Variants in EIF2AK3 observed in about 807,000 individuals in gnomAD.
The protein encoded by EIF2AK3 is eukaryotic translation initiation factor 2-alpha kinase 3.
A neutral mutation model predicts 113.5 loss-of-function variants in EIF2AK3; 50 were observed. The observed-to-expected ratio is 0.44, with a 90% CI of 0.35 to 0.56. The LOEUF (loss-of-function observed/expected upper bound fraction) is 0.56. Among genes scored for constraint, EIF2AK3 ranks in the 20% least tolerant of loss-of-function variants. EIF2AK3 has a pLI of 0.00. For missense variants in EIF2AK3, 1,185 were observed against 1,378.0 expected (o/e 0.86, Z 2.22); for synonymous variants, 448 against 495.4 (o/e 0.90, Z 1.27).
In EIF2AK3 at chr2:88,575,023, T is replaced by C. The variant is rs1674418761; in HGVS notation, c.2460A>G (p.Glu820=). 6.2e-7 allele frequency: 1 copy of C among 1,614,070 alleles called. No homozygotes were observed. The highest frequency in any genetic ancestry group is 1.3e-5 in the African/African-American group (1 of 74,934). The change falls in exon 13 of 17, where the codon GAA becomes GAG. Residue 820 remains glutamate, a synonymous_variant. Coordinates refer to ENST00000303236, the MANE Select transcript of EIF2AK3 (RefSeq NM_004836.7). The stretch of plus-strand genomic sequence containing the variant: ...TATGCAATCGATTAGTTTTCGGCTC[T>C]TCTTTACTGGAAGCATTATCACAGC... ...DSGCDNASSK[E]EPKTNRLHIG...
chr2:88,597,018 A>C (rs1675037739), intron 2 of EIF2AK3, among the ~76,000 whole-genome samples: 1 of 152,220 alleles, frequency 6.6e-6, no homozygotes, highest in South Asian at 2.1e-4. Context: ...AAACTTTAGG[A>C]AACAGGAATA....
chr2:88,561,292 C>T (rs1185201854), intron 15 of EIF2AK3, among the ~76,000 whole-genome samples: 4 of 144,190 alleles, frequency 2.8e-5, no homozygotes, highest in Non-Finnish European at 6.1e-5. Flanking sequence ...GACAGAGTCT[C>T]ACTCTGTCAC....
intron 14 of EIF2AK3, among the ~76,000 whole-genome samples, chr2:88,566,540 G>A: frequency 6.6e-6 from 1 of 151,928 alleles, no homozygotes; most frequent in Middle Eastern, 3.2e-3. Context: ...TTAAGTTCTG[G>A]GGTACATGTG....
intron 14 of EIF2AK3, among the ~76,000 whole-genome samples, chr2:88,569,229 A>C: frequency 6.6e-6 from 1 of 151,390 alleles, no homozygotes; most frequent in Admixed American, 6.6e-5. Flanking sequence ...GAGACCGGGC[A>C]TGGTAGCTCA....
chr2:88,588,473 C>T (rs866120802), intron 7 of EIF2AK3, among the ~76,000 whole-genome samples: 8 of 152,204 alleles, frequency 5.3e-5, no homozygotes, highest in South Asian at 2.1e-4. Context: ...GTATGTTAAG[C>T]GCTAAATGTT....
At chr2:88,560,637 A>G (rs1208424685) in intron 15 of EIF2AK3, among the ~76,000 whole-genome samples, 2 of 152,046 alleles carry the variant, frequency 1.3e-5, no homozygotes, top group African/African-American at 4.8e-5. Context: ...ATAAATTTTG[A>G]TGCCATCTGA....
rs183195362 is a variant in EIF2AK3, at chr2:88,564,181, C to A, written c.2986-1791G>T. Among the ~76,000 whole-genome samples, 3 of 152,262 alleles carry A rather than the reference C, an allele frequency of 2.0e-5. No individual in the cohort carries two copies. In the East Asian group the frequency reaches 5.8e-4, roughly 29 times the overall value. On this transcript the variant is annotated intron_variant, in intron 14 of 16. Coordinates refer to ENST00000303236, the MANE Select transcript of EIF2AK3 (RefSeq NM_004836.7). ...ACCTGTGTTTCTTCGTAATTACAAC[C>A]AAGAACAAAGTAACCATGGGTCCTG...
intron 2 of EIF2AK3, among the ~76,000 whole-genome samples, chr2:88,596,884 T>A (rs62157775): frequency 0.22 from 33,121 of 152,114 alleles, 4,149 homozygotes; most frequent in Middle Eastern, 0.43. Flanking sequence ...GCCAAGAATA[T>A]CTTATTTCTT....
chr2:88,560,286 C>CT (rs1444081765), intron 15 of EIF2AK3, among the ~76,000 whole-genome samples: 1 of 152,120 alleles, frequency 6.6e-6, no homozygotes, highest in East Asian at 1.9e-4. Flanking sequence ...TGCTTTGCCC[C>CT]TTTTTAAAAT....
At chr2:88,561,746 C>A (rs1673965619) in intron 15 of EIF2AK3, among the ~76,000 whole-genome samples, 2 of 152,148 alleles carry the variant, frequency 1.3e-5, no homozygotes, top group Admixed American at 6.5e-5. Flanking sequence ...GTGGTCCCAG[C>A]TACTGGGGAG....
chr2:88,565,749 T>C (rs995759094), intron 14 of EIF2AK3, among the ~76,000 whole-genome samples: 1 of 152,236 alleles, frequency 6.6e-6, no homozygotes, highest in Non-Finnish European at 1.5e-5. Context: ...AAGCAATGAC[T>C]GTTGATATTT....
chr2:88,590,954 G>A lies in EIF2AK3; in HGVS notation c.866C>T (p.Thr289Ile), dbSNP rs1228905306. 6.2e-7 allele frequency: 1 copy of A among 1,614,062 alleles called. No homozygotes were observed. The highest frequency in any genetic ancestry group is 1.7e-5 in the Admixed American group (1 of 60,020). The change falls in exon 5 of 17, where the codon ACA becomes ATA. Residue 289 changes from threonine (T) to isoleucine (I), a missense_variant. Thr to Ile is a moderately conservative substitution (Grantham distance 89). Coordinates refer to ENST00000303236, the MANE Select transcript of EIF2AK3 (RefSeq NM_004836.7). ...ATCTGAAATAATTTTAGACTCTTCT[G>A]TGTTCTCATTGGGCTTAAAGGTGCT... ...IESTFKPNEN[T>I]EESKIISDVE...
At chr2:88,589,929 C>T (rs933178071) in intron 6 of EIF2AK3, among the ~76,000 whole-genome samples, 9 of 151,984 alleles carry the variant, frequency 5.9e-5, no homozygotes, top group Admixed American at 3.3e-4. Flanking sequence ...AAAGAATATG[C>T]GACAGTAATT....
intron 4 of EIF2AK3, among the ~76,000 whole-genome samples, chr2:88,592,756 T>G (rs1477648831): frequency 7.4e-6 from 1 of 134,644 alleles, no homozygotes; most frequent in African/African-American, 2.8e-5. Flanking sequence ...AGAGTGAAAC[T>G]CGGTCTCAAA....
intron 2 of EIF2AK3, among the ~76,000 whole-genome samples, chr2:88,611,378 C>T (rs896782357): frequency 1.8e-4 from 28 of 152,238 alleles, no homozygotes; most frequent in African/African-American, 6.3e-4. Flanking sequence ...CTGGGAACAA[C>T]GTTATATCAT....
intron 14 of EIF2AK3, among the ~76,000 whole-genome samples, chr2:88,563,379 TCTTCC>T (rs1449337052): frequency 6.6e-6 from 1 of 152,164 alleles, no homozygotes; most frequent in Non-Finnish European, 1.5e-5. Flanking sequence ...GGCATCACCC[TCTTCC>T]CTTCCAAGAG....
Position 88,574,406 on chromosome 2 carries a change from A to G in EIF2AK3, c.2817+260T>C, listed in dbSNP as rs115927667. The G allele has an allele frequency of 3.6e-3, 1,918 of 529,146 alleles. 35 individuals carry two copies. Among genetic ancestry groups the G allele is most frequent in the African/African-American group, 0.033 (1,724 of 52,642 alleles). 32.8% of individuals were successfully genotyped at this position (529,146 alleles called of 1,614,324 possible). On this transcript the variant is annotated intron_variant, in intron 13 of 16. Coordinates refer to ENST00000303236, the MANE Select transcript of EIF2AK3 (RefSeq NM_004836.7). Reference sequence around the variant, plus strand: ...TTTTTCTTTTTTTTCCCTCACCTGGACTACTGAGAATACCTTTTACAGTAA... The same window carrying G: ...TTTTTCTTTTTTTTCCCTCACCTGGGCTACTGAGAATACCTTTTACAGTAA...
intron 10 of EIF2AK3, 71 bp downstream of exon 10, chr2:88,583,356 TAAA>T: frequency 8.8e-7 from 1 of 1,136,672 alleles, no homozygotes; most frequent in Non-Finnish European, 1.3e-6. Flanking sequence ...ATCCACACAT[TAAA>T]AAAAAAGTTA....
chr2:88,591,417 CTTAA>C (rs1295967156), intron 4 of EIF2AK3, among the ~76,000 whole-genome samples: 3 of 152,314 alleles, frequency 2.0e-5, no homozygotes, highest in South Asian at 4.1e-4. Flanking sequence ...TGCCTTACCT[CTTAA>C]TTAAAGGCAG....
Sources: gnomAD v4.1 joint callset for allele counts (sites outside exome capture counted in the v4.1 genomes callset) on GRCh38, gnomAD v4.1.1 for gene constraint, MANE v1.5 for transcripts, NCBI Gene and HGNC (gene_info 2026-07-23, HGNC 2026-07-21) for gene names.